Variants in DYM observed in about 807,000 individuals in gnomAD.
The protein encoded by DYM is dyggve-Melchior-Clausen syndrome protein.
Under a neutral mutation model 93.1 loss-of-function variants are expected in DYM, and 78 were observed. That is an observed-to-expected ratio of 0.84 (90% CI 0.70 to 1.01). The LOEUF is 1.01. Ranked by LOEUF, DYM falls within the 50% of genes least tolerant of loss-of-function variation. The probability of loss-of-function intolerance (pLI) is 0.00; values close to 1 mark genes in which losing one functional copy is unlikely to be tolerated. For missense variants in DYM, 789 were observed against 845.0 expected (o/e 0.93, Z 0.82); for synonymous variants, 321 against 319.7 (o/e 1.00, Z -0.04).
chr18:49,246,159 T>C (rs531198359), intron 13 of DYM, among the ~76,000 whole-genome samples: 1 of 152,352 alleles, frequency 6.6e-6, no homozygotes, highest in Non-Finnish European at 1.5e-5. Flanking sequence ...GTTATCTACC[T>C]ACCTTTTTAA....
chr18:49,110,472 T>G (rs1016997037), intron 16 of DYM, among the ~76,000 whole-genome samples: 3 of 152,160 alleles, frequency 2.0e-5, no homozygotes, highest in African/African-American at 4.8e-5. Context: ...TTAAAGACAT[T>G]TTTGAGGGTA....
intron 14 of DYM, among the ~76,000 whole-genome samples, chr18:49,187,169 C>T (rs1317035388): frequency 7.2e-5 from 11 of 152,118 alleles, no homozygotes; most frequent in South Asian, 2.1e-4. Flanking sequence ...TCGCCCGCCT[C>T]GGCCTCCCAA....
chr18:49,391,276 G>C (rs2069221661), intron 3 of DYM: 3 of 307,496 alleles, frequency 9.8e-6, no homozygotes, highest in Non-Finnish European at 1.9e-5. Flanking sequence ...TATTGTTCTG[G>C]TGAACATAGT....
At chr18:49,271,049 A>G (rs2094685161) in intron 11 of DYM, among the ~76,000 whole-genome samples, 1 of 152,158 alleles carries the variant, frequency 6.6e-6, no homozygotes. Context: ...CACACACAGG[A>G]CTTCCAATCG....
chr18:49,393,062 A>G (rs1391084791), intron 2 of DYM, among the ~76,000 whole-genome samples: 44 of 99,958 alleles, frequency 4.4e-4, no homozygotes, highest in Admixed American at 6.1e-4. Context: ...GGAGGAGGGG[A>G]GGAGGAGGAG....
chr18:49,092,080 T>C (rs1161855489), intron 17 of DYM, among the ~76,000 whole-genome samples: 1 of 152,236 alleles, frequency 6.6e-6, no homozygotes, highest in Non-Finnish European at 1.5e-5. Flanking sequence ...TTCATTTCAG[T>C]TGTATATAAA....
At chr18:49,111,463 G>T (rs1446116938) in intron 16 of DYM, among the ~76,000 whole-genome samples, 2 of 152,090 alleles carry the variant, frequency 1.3e-5, no homozygotes, top group Non-Finnish European at 2.9e-5. Flanking sequence ...ATCATGTGTA[G>T]AACTGTAGAG....
intron 16 of DYM, among the ~76,000 whole-genome samples, chr18:49,108,053 C>T (rs2081027436): frequency 6.6e-6 from 1 of 152,154 alleles, no homozygotes; most frequent in South Asian, 2.1e-4. Context: ...GTGGGCTCCA[C>T]CCAGTTCGAG....
chr18:49,434,250 G>C (rs2080609502), intron 1 of DYM, among the ~76,000 whole-genome samples: 1 of 152,028 alleles, frequency 6.6e-6, no homozygotes, highest in African/African-American at 2.4e-5. Flanking sequence ...GGGAGACTGA[G>C]GCAGGGGAAT....
intron 8 of DYM, among the ~76,000 whole-genome samples, chr18:49,328,495 C>A (rs1322810167): frequency 2.0e-5 from 3 of 152,156 alleles, no homozygotes; most frequent in Non-Finnish European, 4.4e-5. Context: ...AGTGAACAGA[C>A]AACCTACAGA....
rs185965280 is a variant in DYM, at chr18:49,299,646, C to T, written c.764-13030G>A. ...TTCACCATGGTTTGATTCCTTTGTACTCCTAGGATCTAGCACAATCTTTTG... is the reference window on the plus strand; with the variant it reads ...TTCACCATGGTTTGATTCCTTTGTATTCCTAGGATCTAGCACAATCTTTTG... On this transcript the variant is annotated intron_variant, in intron 8 of 17. Transcript: ENST00000675505. Among the ~76,000 whole-genome samples, 5 of 152,264 alleles carry T rather than the reference C, an allele frequency of 3.3e-5. No individual in the cohort carries two copies. The East Asian group carries it at 9.6e-4, about 29-fold the overall frequency.
chr18:49,216,498 AC>A (rs2093053853), intron 13 of DYM, among the ~76,000 whole-genome samples: 1 of 151,926 alleles, frequency 6.6e-6, no homozygotes, highest in East Asian at 1.9e-4. Flanking sequence ...ACTGGGAGGC[AC>A]CCCCCAGTAG....
At chr18:49,344,757 C>G (rs952599666) in intron 6 of DYM, among the ~76,000 whole-genome samples, 1 of 151,254 alleles carries the variant, frequency 6.6e-6, no homozygotes, top group South Asian at 2.1e-4. Context: ...AAATAAATCC[C>G]AAATATATCA....
chr18:49,281,016 A>G (rs1337280796), intron 10 of DYM, among the ~76,000 whole-genome samples: 1 of 152,204 alleles, frequency 6.6e-6, no homozygotes, highest in Non-Finnish European at 1.5e-5. Flanking sequence ...TGAACAGGCA[A>G]CCTACAGAAT....
At chr18:49,355,055 C>T (rs1220482124) in intron 6 of DYM, among the ~76,000 whole-genome samples, 2 of 150,002 alleles carry the variant, frequency 1.3e-5, no homozygotes, top group Non-Finnish European at 3.0e-5. Context: ...ATGATAGATA[C>T]ATTTCATCAT....
At chr18:49,226,465 GCA>G (rs2093536765) in intron 13 of DYM, among the ~76,000 whole-genome samples, 1 of 152,158 alleles carries the variant, frequency 6.6e-6, no homozygotes, top group South Asian at 2.1e-4. Flanking sequence ...TCCCAGCAAT[GCA>G]CAGTTTGCTA....
chr18:49,210,392 A>G (rs1432344435), intron 13 of DYM, among the ~76,000 whole-genome samples: 1 of 152,230 alleles, frequency 6.6e-6, no homozygotes, highest in African/African-American at 2.4e-5. Flanking sequence ...AAAATGAGCT[A>G]TGAAGTCATG....
At chr18:49,205,489 CTA>C (rs996247787) in intron 14 of DYM, among the ~76,000 whole-genome samples, 1 of 151,868 alleles carries the variant, frequency 6.6e-6, no homozygotes, top group African/African-American at 2.4e-5. Flanking sequence ...TATAACATAA[CTA>C]TAATTTTATA....
chr18:49,192,190 G>A (rs1408440622), intron 14 of DYM, among the ~76,000 whole-genome samples: 2 of 150,310 alleles, frequency 1.3e-5, no homozygotes, highest in African/African-American at 2.5e-5. Flanking sequence ...CCAGAGTGCT[G>A]GGATTACAGG....
Sources: gnomAD v4.1 joint callset for allele counts (sites outside exome capture counted in the v4.1 genomes callset) on GRCh38, gnomAD v4.1.1 for gene constraint, MANE v1.5 for transcripts, NCBI Gene and HGNC (gene_info 2026-07-23, HGNC 2026-07-21) for gene names.